GRAMD1B: variants seen among roughly 807,000 people sequenced by gnomAD.
GRAMD1B encodes GRAM domain containing 1B.
A neutral mutation model predicts 99.7 loss-of-function variants in GRAMD1B; 37 were observed. The observed-to-expected ratio is 0.37, with a 90% CI of 0.29 to 0.49. The LOEUF is 0.49. Ranked by LOEUF, GRAMD1B falls within the 20% of genes least tolerant of loss-of-function variation. The pLI is 0.98. For synonymous variants in GRAMD1B, 427 were observed against 387.6 expected (o/e 1.10, Z -1.19); for missense variants, 888 against 1,009.2 (o/e 0.88, Z 1.63).
Position 123,492,195 on chromosome 11 carries a change from A to G in GRAMD1B, c.452+11302A>G, listed in dbSNP as rs769694759. On this transcript the variant is annotated intron_variant, in intron 2 of 19. Coordinates refer to ENST00000635736, the MANE Select transcript of GRAMD1B (RefSeq NM_001387025.1). This position sits in a 1 kb window ranked among gnomAD's most constrained non-coding sequence, Gnocchi z 4.2. Reference sequence around the variant, plus strand: ...TCCGGGTCCTTCTTCATAACTGGCCAGGGACCATTACTTTTCTCCTTTATG... The same window carrying G: ...TCCGGGTCCTTCTTCATAACTGGCCGGGGACCATTACTTTTCTCCTTTATG... Among the ~76,000 whole-genome samples the G allele has an allele frequency of 6.6e-6, 1 of 152,148 alleles. No homozygotes were observed. Among genetic ancestry groups the G allele is most frequent in the African/African-American group, 2.4e-5 (1 of 41,416 alleles).
chr11:123,606,482 CTGA>C, intron 10 of GRAMD1B, 124 bp from the exon 11 acceptor site: 1 of 803,860 alleles, frequency 1.2e-6, no homozygotes, highest in African/African-American at 1.7e-5. Flanking sequence ...GAGCCTGACT[CTGA>C]CTTCGCTCCT....
intron 7 of GRAMD1B, chr11:123,599,440 G>T: frequency 1.6e-6 from 1 of 643,626 alleles, no homozygotes; most frequent in East Asian, 3.6e-5. Context: ...TGCTGCTCCA[G>T]TATTGTCTCC....
chr11:123,605,822 T>C (rs542295116), intron 10 of GRAMD1B, among the ~76,000 whole-genome samples: 1 of 152,380 alleles, frequency 6.6e-6, no homozygotes, highest in Non-Finnish European at 1.5e-5. Context: ...GTCAAAGTCA[T>C]GCATGAATAT....
chr11:123,518,009 G>T (rs912969475), intron 2 of GRAMD1B, among the ~76,000 whole-genome samples: 3 of 152,138 alleles, frequency 2.0e-5, no homozygotes, highest in African/African-American at 7.2e-5. Context: ...AGCCACGGGG[G>T]TGATTAGAAA....
chr11:123,408,584 G>A (rs1947935350), intron 1 of GRAMD1B, among the ~76,000 whole-genome samples: 1 of 152,226 alleles, frequency 6.6e-6, no homozygotes. Context: ...ATTGAATGAA[G>A]ATAAATTCTG....
At chr11:123,517,831 A>T (rs1304427758) in intron 2 of GRAMD1B, among the ~76,000 whole-genome samples, 1 of 152,158 alleles carries the variant, frequency 6.6e-6, no homozygotes, top group Non-Finnish European at 1.5e-5. Context: ...CTGATATGTA[A>T]TTTAGTGGAA....
intron 2 of GRAMD1B, among the ~76,000 whole-genome samples, chr11:123,540,862 A>G (rs192012141): frequency 2.5e-4 from 38 of 152,348 alleles, no homozygotes; most frequent in Admixed American, 2.2e-3. Context: ...GGATAGCATC[A>G]CAAACATGCA....
intron 2 of GRAMD1B, among the ~76,000 whole-genome samples, chr11:123,568,196 C>T: frequency 6.6e-6 from 1 of 151,966 alleles, no homozygotes; most frequent in Non-Finnish European, 1.5e-5. Context: ...TAGGAAGTGC[C>T]CTGAATTATC....
intron 4 of GRAMD1B, among the ~76,000 whole-genome samples, chr11:123,589,451 G>T (rs1950401409): frequency 1.3e-5 from 2 of 151,552 alleles, no homozygotes; most frequent in South Asian, 4.2e-4. Flanking sequence ...AGCGTCTTTG[G>T]AATCTACTTT....
intron 2 of GRAMD1B, among the ~76,000 whole-genome samples, chr11:123,499,753 G>A (rs887915940): frequency 3.9e-5 from 6 of 152,104 alleles, no homozygotes; most frequent in African/African-American, 1.4e-4. Context: ...GGTTGTTTGC[G>A]TGCACCCCCT....
chr11:123,619,618 G>A (rs1254939660), intron 19 of GRAMD1B: 7 of 785,224 alleles, frequency 8.9e-6, no homozygotes, highest in South Asian at 2.1e-5. Flanking sequence ...AATGTTTACC[G>A]CCCCCTCCTC....
chr11:123,424,229 G>T (rs1321685207), intron 1 of GRAMD1B, among the ~76,000 whole-genome samples: 2 of 145,992 alleles, frequency 1.4e-5, no homozygotes, highest in African/African-American at 2.6e-5. Context: ...TCAAATACAG[G>T]TTAGTAATGC....
At position 123,527,368 on chromosome 11, in the gene GRAMD1B, G is replaced by A. The variant is rs148895376; in HGVS notation, c.452+46475G>A. 4.0e-3 allele frequency among the ~76,000 whole-genome samples: 607 copies of A among 152,292 alleles called. 10 individuals carry two copies. Among genetic ancestry groups the A allele is most frequent in the African/African-American group, 0.014 (579 of 41,556 alleles). ...CAGCCCTCCTCCTGTAGGGAACAGG[G>A]CCCTTTAGTGGGTCTTGAAAAGGCA... On this transcript the variant is annotated intron_variant, in intron 2 of 19. Coordinates refer to ENST00000635736, the MANE Select transcript of GRAMD1B (RefSeq NM_001387025.1).
chr11:123,583,751 C>G (rs1185799244), intron 3 of GRAMD1B, among the ~76,000 whole-genome samples: 1 of 152,114 alleles, frequency 6.6e-6, no homozygotes, highest in Non-Finnish European at 1.5e-5. Context: ...TCCTGCCCCA[C>G]GCAGAACCCC....
intron 4 of GRAMD1B, among the ~76,000 whole-genome samples, chr11:123,586,989 G>C (rs1039864941): frequency 6.6e-6 from 1 of 152,228 alleles, no homozygotes; most frequent in Admixed American, 6.5e-5. Flanking sequence ...TCAGGGCAGT[G>C]AGGGCCAGTG....
At chr11:123,579,448 C>T (rs970022001) in intron 3 of GRAMD1B, among the ~76,000 whole-genome samples, 7 of 152,124 alleles carry the variant, frequency 4.6e-5, no homozygotes, top group Non-Finnish European at 5.9e-5. Flanking sequence ...TTTAAATGGC[C>T]GTTCCTGGCT....
At chr11:123,619,904 G>A (rs973900064) in intron 19 of GRAMD1B, among the ~76,000 whole-genome samples, 3 of 152,168 alleles carry the variant, frequency 2.0e-5, no homozygotes, top group African/African-American at 4.8e-5. Context: ...AAGAGAATTA[G>A]AAAATAATAG....
At chr11:123,491,062 G>T (rs1372594768) in intron 2 of GRAMD1B, among the ~76,000 whole-genome samples, 1 of 152,186 alleles carries the variant, frequency 6.6e-6, no homozygotes, top group Admixed American at 6.5e-5. Context: ...GCTGGGTGCA[G>T]TGGCTCACGC....
At chr11:123,528,431 C>T (rs890634459) in intron 2 of GRAMD1B, among the ~76,000 whole-genome samples, 7 of 152,218 alleles carry the variant, frequency 4.6e-5, no homozygotes, top group African/African-American at 9.6e-5. Context: ...TGGTGACTAA[C>T]ATTTGCTGAA....
Sources: allele counts gnomAD v4.1 joint callset (sites outside exome capture counted in the v4.1 genomes callset), GRCh38; gene constraint gnomAD v4.1.1; non-coding constraint Gnocchi (gnomAD v3.1); transcripts MANE v1.5; gene names NCBI Gene and HGNC (gene_info 2026-07-23, HGNC 2026-07-21).